Variants in TREM1 observed in about 807,000 individuals in gnomAD.
TREM1 encodes the protein triggering receptor expressed on monocytes 1.
In TREM1, 16 loss-of-function variants were observed where a neutral mutation model predicts 22.4. The observed-to-expected ratio is 0.71, with a 90% CI of 0.48 to 1.08. TREM1 has a LOEUF of 1.08. TREM1 is among the 50% of genes least tolerant of loss of function. The pLI, the probability that TREM1 is intolerant of heterozygous loss-of-function variation, is 0.00. For missense variants in TREM1, 283 were observed against 282.9 expected (o/e 1.00, Z 0.00); for synonymous variants, 110 against 111.6 (o/e 0.99, Z 0.09).
At position 41,280,987 on chromosome 6, in the gene TREM1, G is replaced by A. The variant is rs765785330; in HGVS notation, c.573C>T (p.Asn191=). The A allele has an allele frequency of 1.9e-6, 3 of 1,614,124 alleles. No homozygotes were observed. The African/African-American group carries it at 4.0e-5, about 22-fold the overall frequency. ...ADVSTPDSEI[N]LTNVTDIIRV... ...TGATGATATCTGTCACATTTGTAAGGTTGATTTCAGAGTCAGGAGTGGAGA... is the reference window on the plus strand; with the variant it reads ...TGATGATATCTGTCACATTTGTAAGATTGATTTCAGAGTCAGGAGTGGAGA... Residue 191 remains asparagine (N), a synonymous_variant, in exon 3 of 4, where the codon AAC becomes AAT. Transcript: ENST00000244709.
intron 3 of TREM1, among the ~76,000 whole-genome samples, chr6:41,277,929 T>TAG (rs1767736728): frequency 8.5e-6 from 1 of 118,008 alleles, no homozygotes; most frequent in Non-Finnish European, 1.9e-5. Flanking sequence ...TTTTTTTTTT[T>TAG]AGAGAGAAAG....
intron 3 of TREM1, among the ~76,000 whole-genome samples, chr6:41,279,033 C>T (rs373387160): frequency 5.4e-4 from 82 of 152,284 alleles, no homozygotes; most frequent in African/African-American, 1.7e-3. Context: ...TCTCCCCATG[C>T]CCCAGCAGCA....
intron 1 of TREM1, among the ~76,000 whole-genome samples, chr6:41,286,388 G>A (rs928509255): frequency 2.6e-5 from 4 of 151,912 alleles, no homozygotes; most frequent in Non-Finnish European, 5.9e-5. Context: ...TAACAACATC[G>A]ACATGCACAG....
chr6:41,280,758 A>G (rs1767873603), intron 3 of TREM1: 4 of 1,444,332 alleles, frequency 2.8e-6, no homozygotes, highest in Middle Eastern at 2.5e-4. Context: ...AACTGGGGAG[A>G]AGGACAGCCT....
At chr6:41,282,786 A>G in intron 1 of TREM1, 35 bp from the exon 2 acceptor site, 2 of 1,552,026 alleles carry the variant, frequency 1.3e-6, no homozygotes, top group Middle Eastern at 1.7e-4. Context: ...TTCTGTGAGG[A>G]ATTATTTTTC....
chr6:41,281,185 A>C, intron 2 of TREM1, 32 bp from the exon 3 acceptor site: 1 of 1,604,904 alleles, frequency 6.2e-7, no homozygotes, highest in Non-Finnish European at 8.5e-7. Context: ...GGATGGATGG[A>C]CAGATGGATG....
At chr6:41,279,970 A>C (rs1286324172) in intron 3 of TREM1, 2 of 978,178 alleles carry the variant, frequency 2.0e-6, no homozygotes, top group Admixed American at 1.2e-4. Context: ...GTCTAAGAAC[A>C]GGCCAATGGT....
downstream of TREM1, among the ~76,000 whole-genome samples, chr6:41,273,273 C>A (rs964937188): frequency 3.3e-5 from 5 of 152,194 alleles, no homozygotes; most frequent in African/African-American, 1.2e-4. Flanking sequence ...TTGGCTTCTG[C>A]CCATTTTCTA....
chr6:41,279,438 C>T, intron 3 of TREM1: 1 of 817,058 alleles, frequency 1.2e-6, no homozygotes, highest in Non-Finnish European at 1.5e-6. Flanking sequence ...CACTTAAGGC[C>T]CTCCTTCCGG....
At position 41,282,423 on chromosome 6, in the gene TREM1, G is replaced by A. The variant is rs772655224; in HGVS notation, c.378C>T (p.Phe126=). The part of the protein sequence containing the change: ...YQPPKEPHML[F]DRIRLVVTKG... ...TGGTCACCACCAAGCGGATGCGATC[G>A]AACAGCATGTGAGGCTCCTTGGGAG... Residue 126 remains phenylalanine, a synonymous_variant, in exon 2 of 4, where the codon TTC becomes TTT. Transcript: ENST00000244709. The A allele has an allele frequency of 1.1e-5, 17 of 1,613,138 alleles. No individual in the cohort carries two copies. The highest frequency in any genetic ancestry group is 5.3e-5 in the African/African-American group (4 of 74,842).
chr6:41,267,855 A>G, downstream of TREM1: 1 of 397,946 alleles, frequency 2.5e-6, no homozygotes, highest in East Asian at 3.6e-5. Flanking sequence ...TTTGTGAAAA[A>G]AATAAGACAA....
chr6:41,277,363 G>A lies in TREM1; in HGVS notation c.600-1133C>T, dbSNP rs552298812. Among the ~76,000 whole-genome samples, 41 of 150,522 alleles carry A rather than the reference G, an allele frequency of 2.7e-4. No individual in the cohort carries two copies. The East Asian group carries it at 8.1e-3, about 30-fold the overall frequency. Reference sequence around the variant, plus strand: ...TGGGGGACAGGGGGCAGAGACGGGGGCAGGGATGGGGCAGAGAGACAGGCA... The same window carrying A: ...TGGGGGACAGGGGGCAGAGACGGGGACAGGGATGGGGCAGAGAGACAGGCA... On this transcript the variant is annotated intron_variant, in intron 3 of 3. Coordinates refer to ENST00000244709, the MANE Select transcript of TREM1 (RefSeq NM_018643.5).
At chr6:41,278,912 G>A (rs1441495348) in intron 3 of TREM1, among the ~76,000 whole-genome samples, 6 of 152,258 alleles carry the variant, frequency 3.9e-5, no homozygotes, top group Non-Finnish European at 7.3e-5. Context: ...GGATGGATTC[G>A]TGCTGACTTC....
At chr6:41,276,282 G>T in intron 3 of TREM1, 52 bp from the exon 4 acceptor site, 1 of 1,356,860 alleles carries the variant, frequency 7.4e-7, no homozygotes, top group Non-Finnish European at 1.1e-6. Flanking sequence ...TCTCCCACAC[G>T]CACATGTTCC....
At chr6:41,284,236 G>C (rs1307653423) in intron 1 of TREM1, among the ~76,000 whole-genome samples, 1 of 152,092 alleles carries the variant, frequency 6.6e-6, no homozygotes, top group Non-Finnish European at 1.5e-5. Context: ...GAGAGGGGTG[G>C]ATGCTACTAA....
chr6:41,273,843 C>A lies in TREM1; in HGVS notation c.*2282G>T, dbSNP rs1242294446. Among the ~76,000 whole-genome samples, 1 of 152,148 alleles carries A rather than the reference C, an allele frequency of 6.6e-6. No homozygotes were observed. Among genetic ancestry groups the A allele is most frequent in the Non-Finnish European group, 1.5e-5 (1 of 68,028 alleles). On this transcript the variant is annotated 3_prime_UTR_variant, in exon 4 of 4. Coordinates refer to ENST00000244709, the MANE Select transcript of TREM1 (RefSeq NM_018643.5). ...TGCCACCACCTGCCAGGGAGGGAGC[C>A]CTGAGGACAGAAACCCTGATCTGAC...
chr6:41,280,888 C>T (rs1767879251), intron 3 of TREM1, 73 bp downstream of exon 3: 2 of 1,608,426 alleles, frequency 1.2e-6, no homozygotes, highest in African/African-American at 1.3e-5. Flanking sequence ...ACTTTCACAT[C>T]CTCTCAGCAC....
chr6:41,281,652 G>A (rs1767925058), intron 2 of TREM1: 1 of 160,072 alleles, frequency 6.2e-6, no homozygotes, highest in African/African-American at 2.4e-5. Context: ...AATTCCCCAG[G>A]TGCTGGGAAC....
At chr6:41,278,728 GA>G (rs1362010582) in intron 3 of TREM1, among the ~76,000 whole-genome samples, 9 of 152,066 alleles carry the variant, frequency 5.9e-5, no homozygotes, top group Admixed American at 5.9e-4. Context: ...CCACTTTCCA[GA>G]CTGGATTTTG....
Sources: allele counts gnomAD v4.1 joint callset (sites outside exome capture counted in the v4.1 genomes callset), GRCh38; gene constraint gnomAD v4.1.1; transcripts MANE v1.5; gene names NCBI Gene and HGNC (gene_info 2026-07-23, HGNC 2026-07-21).